The following FAM114A1 variants were observed in gnomAD, a reference collection of about 807,000 sequenced individuals.
FAM114A1 encodes family with sequence similarity 114 member A1, also known as protein NOXP20.
Under a neutral mutation model 64.3 loss-of-function variants are expected in FAM114A1, and 62 were observed. That is an observed-to-expected ratio of 0.96 (90% CI 0.79 to 1.19). FAM114A1 has a LOEUF of 1.19. FAM114A1 is among the 50% of genes most tolerant of loss of function. The probability of loss-of-function intolerance (pLI) is 0.00; values close to 1 mark genes in which losing one functional copy is unlikely to be tolerated. For missense variants in FAM114A1, 645 were observed against 676.3 expected, an observed-to-expected ratio of 0.95 and a Z score of 0.51; for synonymous variants, 254 against 251.1, an observed-to-expected ratio of 1.01 and a Z score of -0.11.
chr4:38,936,144 G>A (rs1721072063), intron 13 of FAM114A1, among the ~76,000 whole-genome samples: 1 of 151,646 alleles, frequency 6.6e-6, no homozygotes, highest in Non-Finnish European at 1.5e-5. Context: ...CCAGGCTGGG[G>A]TGCAGTGGCG....
intron 4 of FAM114A1, among the ~76,000 whole-genome samples, chr4:38,899,451 A>C (rs1717292292): frequency 6.6e-6 from 1 of 152,076 alleles, no homozygotes; most frequent in East Asian, 1.9e-4. Context: ...TATTTAGTTG[A>C]GCGCTGTCAG....
chr4:38,869,593 A>AC (rs1713817259), intron 2 of FAM114A1, among the ~76,000 whole-genome samples: 1 of 152,222 alleles, frequency 6.6e-6, no homozygotes, highest in Admixed American at 6.5e-5. Flanking sequence ...CACAGAGAAT[A>AC]GGCTGGAGCC....
At chr4:38,914,126 T>G (rs1718814409) in intron 7 of FAM114A1, among the ~76,000 whole-genome samples, 1 of 150,902 alleles carries the variant, frequency 6.6e-6, no homozygotes, top group African/African-American at 2.4e-5. Flanking sequence ...AATAAAAAAT[T>G]ATAACTTAGA....
intron 3 of FAM114A1, among the ~76,000 whole-genome samples, chr4:38,890,603 G>A (rs1218190086): frequency 6.6e-6 from 1 of 151,756 alleles, no homozygotes; most frequent in Non-Finnish European, 1.5e-5. Context: ...CTCCATACAG[G>A]TAACTCATAG....
chr4:38,887,036 T>G (rs1256972782), intron 3 of FAM114A1, among the ~76,000 whole-genome samples: 1 of 151,470 alleles, frequency 6.6e-6, no homozygotes, highest in Non-Finnish European at 1.5e-5. Flanking sequence ...TCGGGAGATG[T>G]GTAGGTGGAG....
At chr4:38,915,571 T>G (rs1344804138) in intron 8 of FAM114A1, among the ~76,000 whole-genome samples, 1 of 152,178 alleles carries the variant, frequency 6.6e-6, no homozygotes, top group Non-Finnish European at 1.5e-5. Flanking sequence ...CAGGATTATC[T>G]TACTGAAGGT....
At chr4:38,905,330 C>T (rs11725783) in intron 4 of FAM114A1, among the ~76,000 whole-genome samples, 192 bp from the exon 5 acceptor site, 23,031 of 151,082 alleles carry the variant, frequency 0.15, 2,217 homozygotes, top group Middle Eastern at 0.35. Context: ...ACTCGGGAGG[C>T]GGAGGTTGCA....
At chr4:38,916,478 G>A (rs1356045174) in intron 8 of FAM114A1, among the ~76,000 whole-genome samples, 1 of 152,178 alleles carries the variant, frequency 6.6e-6, no homozygotes, top group Non-Finnish European at 1.5e-5. Flanking sequence ...ATACTATGCA[G>A]CCATAAAAAA....
At chr4:38,936,624 C>T (rs2109803714) in intron 13 of FAM114A1, among the ~76,000 whole-genome samples, 1 of 147,490 alleles carries the variant, frequency 6.8e-6, no homozygotes, top group African/African-American at 2.5e-5. Context: ...ACAATATCGG[C>T]TCACCGCAGC....
intron 4 of FAM114A1, among the ~76,000 whole-genome samples, chr4:38,895,537 A>G (rs1299382803): frequency 2.0e-5 from 3 of 152,190 alleles, no homozygotes; most frequent in Non-Finnish European, 4.4e-5. Flanking sequence ...ACCTAATCAC[A>G]GGGGTGAAAT....
intron 9 of FAM114A1, among the ~76,000 whole-genome samples, chr4:38,926,432 C>T (rs1720094193): frequency 6.6e-6 from 1 of 151,944 alleles, no homozygotes; most frequent in Non-Finnish European, 1.5e-5. Flanking sequence ...ATCTAGCTCT[C>T]TAGCTCTGTC....
At chr4:38,904,126 T>G (rs1379057416) in intron 4 of FAM114A1, among the ~76,000 whole-genome samples, 1 of 152,186 alleles carries the variant, frequency 6.6e-6, no homozygotes, top group Non-Finnish European at 1.5e-5. Flanking sequence ...CTCATATTAC[T>G]GCCTTGTGTT....
In FAM114A1 at chr4:38,880,794, A is replaced by T. The variant is rs546516630; in HGVS notation, c.348+2368A>T. Among the ~76,000 whole-genome samples, 5 of 152,354 alleles carry T rather than the reference A, an allele frequency of 3.3e-5. No individual in the cohort carries two copies. In the South Asian group the frequency reaches 1.0e-3, roughly 32 times the overall value. The stretch of plus-strand genomic sequence containing the variant: ...ACCATTATCACCTAAGATGACTTAA[A>T]CTATACAAGCTCTACTAATTCAAAA... On this transcript the variant is annotated intron_variant, in intron 3 of 14. Coordinates refer to ENST00000358869, the MANE Select transcript of FAM114A1 (RefSeq NM_138389.4).
chr4:38,896,488 C>G lies in FAM114A1; in HGVS notation c.436+4658C>G, dbSNP rs1716954591. ...GAGGCTGAAGTCATGGGTTCCCAGG[C>G]TGGAAACAAGCACTGGTGGTTGGGA... is the stretch of plus-strand genomic sequence containing the variant. On this transcript the variant is annotated intron_variant, in intron 4 of 14. Coordinates refer to ENST00000358869, the MANE Select transcript of FAM114A1 (RefSeq NM_138389.4). 2.0e-5 allele frequency among the ~76,000 whole-genome samples: 3 copies of G among 152,158 alleles called. No individual in the cohort carries two copies. The South Asian group carries it at 6.2e-4, about 32-fold the overall frequency.
intron 2 of FAM114A1, among the ~76,000 whole-genome samples, chr4:38,870,223 C>G (rs1713901228): frequency 6.6e-6 from 1 of 152,224 alleles, no homozygotes; most frequent in African/African-American, 2.4e-5. Context: ...GACACCTGTC[C>G]TGAATCACTA....
chr4:38,912,672 G>A (rs1182713458), intron 7 of FAM114A1, among the ~76,000 whole-genome samples: 2 of 152,260 alleles, frequency 1.3e-5, no homozygotes, highest in African/African-American at 4.8e-5. Flanking sequence ...GTGAGCCACC[G>A]CGCCTGGCCT....
intron 3 of FAM114A1, among the ~76,000 whole-genome samples, chr4:38,885,993 G>A (rs1382786847): frequency 6.6e-6 from 1 of 152,106 alleles, no homozygotes; most frequent in South Asian, 2.1e-4. Context: ...ATGTAAAAGT[G>A]GGTGAGCTTT....
At chr4:38,932,474 A>T in intron 12 of FAM114A1, 100 bp downstream of exon 12, 6 of 1,233,800 alleles carry the variant, frequency 4.9e-6, no homozygotes, top group Non-Finnish European at 6.6e-6. Flanking sequence ...CCACTAGAAG[A>T]TTCAGGTTTC....
chr4:38,940,525 A>G (rs138872079), intron 13 of FAM114A1, among the ~76,000 whole-genome samples: 30 of 152,282 alleles, frequency 2.0e-4, no homozygotes, highest in African/African-American at 7.2e-4. Context: ...ATATATTTTA[A>G]AATAAAAGTG....
Sources: gnomAD v4.1 joint callset for allele counts (sites outside exome capture counted in the v4.1 genomes callset) on GRCh38, gnomAD v4.1.1 for gene constraint, MANE v1.5 for transcripts, NCBI Gene and HGNC (gene_info 2026-07-23, HGNC 2026-07-21) for gene names.